Variants in HPSE observed in about 807,000 individuals in gnomAD.
HPSE encodes endo-glucoronidase.
In HPSE, 48 loss-of-function variants were observed where a neutral mutation model predicts 65.1. The observed-to-expected ratio is 0.74, with a 90% CI of 0.58 to 0.94. The LOEUF (loss-of-function observed/expected upper bound fraction) is 0.94. Among genes scored for constraint, HPSE ranks in the 40% least tolerant of loss-of-function variants. The pLI, the probability that HPSE is intolerant of heterozygous loss-of-function variation, is 0.00. For synonymous variants in HPSE, 243 were observed against 260.0 expected (o/e 0.93, Z 0.63); for missense variants, 644 against 637.5 (o/e 1.01, Z -0.11).
In HPSE at chr4:83,313,717, A is replaced by T. The variant is rs572634321; in HGVS notation, c.500-430T>A. On this transcript the variant is annotated intron_variant, in intron 3 of 11. Transcript: ENST00000311412. ...TTTAATTATATTTAAAACAATTTTT[A>T]AAAAAATTCCTGTTATGATTTATTA... Among the ~76,000 whole-genome samples, 158 of 152,280 alleles carry T rather than the reference A, an allele frequency of 1.0e-3. 2 individuals are homozygous for T. The highest frequency in any genetic ancestry group is 2.8e-3 in the African/African-American group (116 of 41,572).
intron 1 of HPSE, among the ~76,000 whole-genome samples, chr4:83,330,147 G>GAAC (rs1737309164): frequency 6.6e-6 from 1 of 152,222 alleles, no homozygotes; most frequent in Non-Finnish European, 1.5e-5. Context: ...ATAGCAGTAT[G>GAAC]GAGTTCAAAC....
chr4:83,296,686 A>G (rs1335590447), intron 11 of HPSE, among the ~76,000 whole-genome samples: 2 of 151,966 alleles, frequency 1.3e-5, no homozygotes, highest in Non-Finnish European at 2.9e-5. Flanking sequence ...AGAAAAAAAA[A>G]AAAAAGAAAA....
intron 5 of HPSE, 28 bp from the exon 6 acceptor site, chr4:83,310,106 G>T: frequency 6.7e-7 from 1 of 1,496,566 alleles, no homozygotes; most frequent in Non-Finnish European, 9.3e-7. Flanking sequence ...TTATCACTCA[G>T]TCATATAATA....
rs182540034 is a variant in HPSE, at chr4:83,306,166, C to T, written c.1206+37G>A. On this transcript the variant is annotated intron_variant, in intron 9 of 11. Coordinates refer to ENST00000311412, the MANE Select transcript of HPSE (RefSeq NM_001098540.3). Reference sequence around the variant, plus strand: ...CCAGAGGTCCTGAGTTGACTTTAATCTACTCCACTAGAATTAGGAAAATAA... The same window carrying T: ...CCAGAGGTCCTGAGTTGACTTTAATTTACTCCACTAGAATTAGGAAAATAA... 414 of 1,263,640 alleles carry T rather than the reference C, an allele frequency of 3.3e-4. 3 individuals are homozygous for T. The African/African-American group carries it at 5.5e-3, about 17-fold the overall frequency. 78.3% of individuals were successfully genotyped at this position (1,263,640 alleles called of 1,614,324 possible).
chr4:83,309,976 T>A (rs1736303119), intron 6 of HPSE, 55 bp downstream of exon 6: 3 of 1,268,426 alleles, frequency 2.4e-6, no homozygotes, highest in Non-Finnish European at 3.4e-6. Context: ...GAATACTAGG[T>A]AATAAATAAA....
In HPSE at chr4:83,295,519, A is replaced by G. The variant is rs781335966; in HGVS notation, c.1473-16T>C. On this transcript the variant is annotated splice_polypyrimidine_tract_variant and intron_variant, in intron 11 of 11. Transcript: ENST00000311412. The stretch of plus-strand genomic sequence containing the variant: ...TTGGACAGATCTGCAAAGGAGAAAG[A>G]TACACCGAGTTAACCAAGTGGTGCA... The G allele has an allele frequency of 2.6e-6, 4 of 1,551,796 alleles. No individual in the cohort carries two copies. Among genetic ancestry groups the G allele is most frequent in the African/African-American group, 1.4e-5 (1 of 73,078 alleles).
rs1345698419 is a variant in HPSE at position 83,292,834 on chromosome 4, T to C, written c.*2510A>G. On this transcript the variant is annotated 3_prime_UTR_variant, in exon 12 of 12. Transcript: ENST00000311412. ...AGGTACACAAGAACATACACAGTGG[T>C]ATAAGGGATGTTGGAGACTCAGAAG... The C allele has an allele frequency of 6.6e-6, 1 of 152,124 alleles. No individual in the cohort carries two copies. The highest frequency in any genetic ancestry group is 2.1e-4 in the South Asian group (1 of 4,818). The allele number at this position is 152,124 out of a possible 1,614,324, so 9.4% of individuals were successfully genotyped here.
In HPSE at chr4:83,326,957, A is replaced by T. The variant is rs897794766; in HGVS notation, c.228-4593T>A. On this transcript the variant is annotated intron_variant, in intron 1 of 11. Transcript: ENST00000311412. The surrounding 1 kb of genome is among the most constrained non-coding windows in gnomAD (Gnocchi z 4.2). ...GGGTCACAGCCTGGTCCTTAGAGGT[A>T]CAAACTGTACCACCTTGGGTCACTC... is the stretch of plus-strand genomic sequence containing the variant. Among the ~76,000 whole-genome samples, 2 of 152,178 alleles carry T rather than the reference A, an allele frequency of 1.3e-5. No individual in the cohort carries two copies. The highest frequency in any genetic ancestry group is 2.9e-5 in the Non-Finnish European group (2 of 68,010).
chr4:83,312,878 T>C (rs11736398), intron 4 of HPSE, among the ~76,000 whole-genome samples: 91,785 of 113,950 alleles, frequency 0.81, 36,702 homozygotes, highest in East Asian at 0.88. Flanking sequence ...AAAAATTAGC[T>C]GGGCGCGGTG....
At chr4:83,320,421 C>T (rs4693609) in intron 2 of HPSE, among the ~76,000 whole-genome samples, 115,636 of 152,024 alleles carry the variant, frequency 0.76, 44,027 homozygotes, top group East Asian at 0.86. Flanking sequence ...GAAAACTTAG[C>T]TGGGCGTGGT....
rs898781676 is a variant in HPSE, at chr4:83,294,600, A to T, written c.*744T>A. On this transcript the variant is annotated 3_prime_UTR_variant, in exon 12 of 12. Transcript: ENST00000311412. ...TAGCGAGACCCCATCTCTACAAAAA[A>T]TTTTTTAAAAATAGCCAAGTGTGAT... 3 of 152,100 alleles carry T rather than the reference A, an allele frequency of 2.0e-5. No homozygotes were observed. The highest frequency in any genetic ancestry group is 7.2e-5 in the African/African-American group (3 of 41,396). The allele number at this position is 152,100 out of a possible 1,614,324, so 9.4% of individuals were successfully genotyped here. A position where few individuals can be genotyped will look rare whatever the true frequency, so the allele number is the denominator to read the frequency against.
Position 83,322,253 on chromosome 4 carries a change from T to G in HPSE, c.339A>C (p.Glu113Asp). The change falls in exon 2 of 12, where the codon GAA becomes GAC. Residue 113 changes from glutamate (E) to aspartate (D), a missense_variant. Physicochemically the swap from Glu to Asp is conservative, Grantham distance 45 (BLOSUM62 2). Coordinates refer to ENST00000311412, the MANE Select transcript of HPSE (RefSeq NM_001098540.3). ...CTTGAGATTGCCAGTAACTTCTCTC[T>G]TCAAAGGTTGATTCCTTCTTGGGAT... ...IFDPKKESTF[E>D]ERSYWQSQVN... 6.2e-7 allele frequency: 1 copy of G among 1,614,058 alleles called. No individual in the cohort carries two copies. Among genetic ancestry groups the G allele is most frequent in the Non-Finnish European group, 8.5e-7 (1 of 1,179,932 alleles).
intron 5 of HPSE, 146 bp downstream of exon 5, chr4:83,310,576 A>G: frequency 4.2e-6 from 3 of 722,242 alleles, no homozygotes; most frequent in Non-Finnish European, 7.0e-6. Context: ...TGGGACTGAG[A>G]TGGGAGGATT....
intron 3 of HPSE, among the ~76,000 whole-genome samples, chr4:83,318,040 T>C (rs1195454442): frequency 2.0e-5 from 3 of 152,228 alleles, no homozygotes; most frequent in African/African-American, 7.2e-5. Context: ...ACACATTTTT[T>C]TCTGTACCAT....
intron 6 of HPSE, among the ~76,000 whole-genome samples, chr4:83,309,722 A>T (rs1456464713): frequency 6.6e-6 from 1 of 152,164 alleles, no homozygotes; most frequent in Non-Finnish European, 1.5e-5. Flanking sequence ...ACACAGTGGC[A>T]AGTACATGTA....
At chr4:83,335,140 G>A (rs913544388), upstream of HPSE, 4 of 224,888 alleles carry the variant, frequency 1.8e-5, no homozygotes, top group African/African-American at 6.8e-5. Context: ...GGAGCGCCCG[G>A]GGAGCAGCGC....
At chr4:83,295,870 T>C (rs1240912793) in intron 11 of HPSE, among the ~76,000 whole-genome samples, 1 of 152,204 alleles carries the variant, frequency 6.6e-6, no homozygotes, top group Non-Finnish European at 1.5e-5. Context: ...TGGCCAATAA[T>C]TGAAACCTTT....
intron 3 of HPSE, among the ~76,000 whole-genome samples, chr4:83,314,257 C>CAAAAAAAA (rs11347608): frequency 1.0e-5 from 1 of 98,254 alleles, no homozygotes; most frequent in Non-Finnish European, 2.0e-5. Context: ...GATCCTGTCT[C>CAAAAAAAA]AAAAAAAAAA....
intron 3 of HPSE, among the ~76,000 whole-genome samples, chr4:83,319,098 T>C (rs1736769382): frequency 6.6e-6 from 1 of 152,232 alleles, no homozygotes; most frequent in South Asian, 2.1e-4. Context: ...CTGAAGGTCA[T>C]TGTTAGATCA....
Sources: allele counts gnomAD v4.1 joint callset (sites outside exome capture counted in the v4.1 genomes callset), GRCh38; gene constraint gnomAD v4.1.1; non-coding constraint Gnocchi (gnomAD v3.1); transcripts MANE v1.5; gene names NCBI Gene and HGNC (gene_info 2026-07-23, HGNC 2026-07-21).